The following SHROOM2 variants were observed in gnomAD, a reference collection of about 807,000 sequenced individuals.
The protein encoded by SHROOM2 is protein Shroom2.
SHROOM2 carries 33 observed loss-of-function variants against 75.9 expected under a neutral mutation model. That is an observed-to-expected ratio of 0.43 (90% CI 0.33 to 0.58). The LOEUF is 0.58. Ranked by LOEUF, SHROOM2 falls within the 20% of genes least tolerant of loss-of-function variation. The pLI is 0.04. For missense variants in SHROOM2, 1,434 were observed against 1,461.2 expected, an observed-to-expected ratio of 0.98 and a Z score of 0.30; for synonymous variants, 655 against 663.6, an observed-to-expected ratio of 0.99 and a Z score of 0.20.
chrX:9,818,799 G>A, intron 1 of SHROOM2: 1 of 484,074 alleles, frequency 2.1e-6, no homozygotes, highest in Non-Finnish European at 3.7e-6. Context: ...CAAACAGGAT[G>A]TTGGCCCGCT....
chrX:9,942,627 G>A (rs1016308350), intron 8 of SHROOM2, among the ~76,000 whole-genome samples: 1 of 101,713 alleles, frequency 9.8e-6, no homozygotes, highest in African/African-American at 3.6e-5. Flanking sequence ...TGTGTAGGGC[G>A]AGGCATGGGG....
chrX:9,930,275 G>T (rs2083893933), intron 5 of SHROOM2, among the ~76,000 whole-genome samples: 1 of 111,376 alleles, frequency 9.0e-6, no homozygotes, highest in African/African-American at 3.3e-5. Context: ...CCAGCACTTG[G>T]GAGGCCAAGG....
At chrX:9,839,903 G>A (rs1214251474) in intron 1 of SHROOM2, among the ~76,000 whole-genome samples, 1 of 111,904 alleles carries the variant, frequency 8.9e-6, no homozygotes, top group African/African-American at 3.3e-5. Flanking sequence ...GTCTGTTTCC[G>A]GTGCCATCGA....
At chrX:9,804,073 G>C (rs907829303) in intron 1 of SHROOM2, among the ~76,000 whole-genome samples, 1 of 111,729 alleles carries the variant, frequency 9.0e-6, no homozygotes, top group African/African-American at 3.3e-5. Context: ...ATCGTGCCCG[G>C]GTTGGGAGGA....
At chrX:9,823,065 C>CCCTT (rs1292772588) in intron 1 of SHROOM2, among the ~76,000 whole-genome samples, 4 of 25,089 alleles carry the variant, frequency 1.6e-4, no homozygotes, top group African/African-American at 5.4e-4. Flanking sequence ...TCCTCCTCCT[C>CCCTT]CTCCTCCTCC....
intron 1 of SHROOM2, among the ~76,000 whole-genome samples, chrX:9,806,597 CT>C (rs1171696122): frequency 1.1e-5 from 1 of 91,747 alleles, no homozygotes; most frequent in Admixed American, 1.2e-4. Context: ...CAGAGTCTCA[CT>C]CTGTCGCCCA....
chrX:9,914,957 A>C (rs1410728439), intron 5 of SHROOM2, among the ~76,000 whole-genome samples: 1 of 111,437 alleles, frequency 9.0e-6, no homozygotes, highest in Non-Finnish European at 1.9e-5. Context: ...CAGTGCAGTG[A>C]GAAGGAATTT....
intron 2 of SHROOM2, among the ~76,000 whole-genome samples, chrX:9,883,625 G>A (rs996796700): frequency 9.1e-6 from 1 of 110,152 alleles, no homozygotes; most frequent in Non-Finnish European, 1.9e-5. Flanking sequence ...ACTTCCTTTT[G>A]TGGAAACTGG....
chrX:9,835,659 T>TGCCCTAGGGGGGTACTGGGTGCA (rs962249072), intron 1 of SHROOM2, among the ~76,000 whole-genome samples: 2 of 111,818 alleles, frequency 1.8e-5, no homozygotes, highest in Non-Finnish European at 3.8e-5. Context: ...GCACCTGCCC[T>TGCCCTAGGGGGGTACTGGGTGCA]GCCCTAGGGG....
chrX:9,946,854 C>CG lies in SHROOM2; in HGVS notation c.4771dup (p.Glu1591GlyfsTer5), dbSNP rs747193270. ...GAAGTCGGCCCTCATCATCGAGCAG[C>CG]GGGAGCTGGAAGATAAAATCCACCT... On this transcript the variant is annotated frameshift_variant, in exon 10 of 10. Coordinates refer to ENST00000380913, the MANE Select transcript of SHROOM2 (RefSeq NM_001649.4). LOFTEE classifies it high-confidence loss of function. 1 of 1,198,500 alleles carries CG rather than the reference C, an allele frequency of 8.3e-7. No individual in the cohort carries two copies. Among genetic ancestry groups the CG allele is most frequent in the South Asian group, 1.8e-5 (1 of 54,819 alleles).
intron 9 of SHROOM2, among the ~76,000 whole-genome samples, chrX:9,945,801 A>G (rs1422912826): frequency 8.9e-6 from 1 of 112,360 alleles, no homozygotes; most frequent in Non-Finnish European, 1.9e-5. Flanking sequence ...ATATGAACCA[A>G]GAGAAATAAT....
At chrX:9,880,352 C>T (rs745948536) in intron 2 of SHROOM2, among the ~76,000 whole-genome samples, 4 of 113,101 alleles carry the variant, frequency 3.5e-5, no homozygotes, top group African/African-American at 1.3e-4. Context: ...TCTGTCTGTC[C>T]CACATGGAGC....
rs113284404 is a variant in SHROOM2, at chrX:9,911,431, G to A, written c.2891+13141G>A. 3.6e-3 allele frequency among the ~76,000 whole-genome samples: 400 copies of A among 112,535 alleles called. 1 individual carries two copies. Among genetic ancestry groups the A allele is most frequent in the African/African-American group, 0.012 (371 of 30,986 alleles). On this transcript the variant is annotated intron_variant, in intron 5 of 9. Transcript: ENST00000380913. ...CAGCATATGTTATTTGGAGAAATGA[G>A]CAAGAGTTGGAAGTAATTGCTATGA...
intron 1 of SHROOM2, among the ~76,000 whole-genome samples, chrX:9,802,383 A>G (rs774709898): frequency 8.9e-4 from 100 of 112,805 alleles, no homozygotes; most frequent in Non-Finnish European, 1.9e-4. Flanking sequence ...GTCACATGGT[A>G]AAAAGTTTGC....
At chrX:9,846,075 G>A (rs1195483024) in intron 1 of SHROOM2, among the ~76,000 whole-genome samples, 1 of 105,712 alleles carries the variant, frequency 9.5e-6, no homozygotes. Context: ...TCTGGTGGCA[G>A]TTGTAGTTTA....
chrX:9,856,214 T>TGTTTTG (rs2084069640), intron 1 of SHROOM2, among the ~76,000 whole-genome samples: 1 of 110,474 alleles, frequency 9.1e-6, no homozygotes, highest in Middle Eastern at 4.2e-3. Flanking sequence ...ATAGTTTGGC[T>TGTTTTG]GTTTTGGTTT....
At chrX:9,905,569 G>A (rs1355319195) in intron 5 of SHROOM2, among the ~76,000 whole-genome samples, 2 of 113,239 alleles carry the variant, frequency 1.8e-5, no homozygotes, top group Non-Finnish European at 3.7e-5. Flanking sequence ...GGGCGGTGAC[G>A]GCGCGGGAGC....
At chrX:9,820,709 A>G (rs1047947544) in intron 1 of SHROOM2, among the ~76,000 whole-genome samples, 1 of 111,839 alleles carries the variant, frequency 8.9e-6, no homozygotes. Flanking sequence ...ATAAAATTCC[A>G]CGTCCTCCAT....
chrX:9,792,835 C>T (rs1043967645), intron 1 of SHROOM2, among the ~76,000 whole-genome samples: 1 of 109,789 alleles, frequency 9.1e-6, no homozygotes, highest in African/African-American at 3.3e-5. Context: ...ATCCTCCCAC[C>T]TCAGCCTGGC....
Sources: allele counts gnomAD v4.1 joint callset (sites outside exome capture counted in the v4.1 genomes callset), GRCh38; gene constraint gnomAD v4.1.1; transcripts MANE v1.5; gene names NCBI Gene and HGNC (gene_info 2026-07-23, HGNC 2026-07-21).